The following SPTBN4 variants were observed in gnomAD, a reference collection of about 807,000 sequenced individuals.
The protein encoded by SPTBN4 is spectrin beta, non-erythrocytic 4.
In SPTBN4, 96 loss-of-function variants were observed where a neutral mutation model predicts 277.8. That is an observed-to-expected ratio of 0.35 (90% CI 0.29 to 0.41). SPTBN4 has a LOEUF of 0.41. Among genes scored for constraint, SPTBN4 ranks in the 10% least tolerant of loss-of-function variants. SPTBN4 has a pLI of 1.00. For missense variants in SPTBN4, 3,006 were observed against 3,595.7 expected, an observed-to-expected ratio of 0.84 and a Z score of 4.19; for synonymous variants, 1,481 against 1,580.3, an observed-to-expected ratio of 0.94 and a Z score of 1.49.
At chr19:40,480,622 T>C (rs994060679) in intron 2 of SPTBN4, among the ~76,000 whole-genome samples, 1 of 152,208 alleles carries the variant, frequency 6.6e-6, no homozygotes, top group Non-Finnish European at 1.5e-5. Flanking sequence ...ATTATGCTTG[T>C]GGGAGATTCA....
chr19:40,522,385 C>T (rs913638267), intron 16 of SPTBN4, among the ~76,000 whole-genome samples: 3 of 134,620 alleles, frequency 2.2e-5, no homozygotes, highest in Non-Finnish European at 4.6e-5. Context: ...GGGTCTTGCT[C>T]TGTCACCCAG....
At chr19:40,550,797 G>A (rs1232044849) in intron 22 of SPTBN4, among the ~76,000 whole-genome samples, 1 of 152,148 alleles carries the variant, frequency 6.6e-6, no homozygotes, top group Non-Finnish European at 1.5e-5. Flanking sequence ...GAGATTACAG[G>A]TGTGAGCCAC....
At chr19:40,571,562 CAAGGTAGGAATAA>C (rs1415519458) in intron 33 of SPTBN4, 1 of 154,182 alleles carries the variant, frequency 6.5e-6, no homozygotes, top group Non-Finnish European at 1.4e-5. Flanking sequence ...TACCTAATGC[CAAGGTAGGAATAA>C]ACAAGGGCAC....
chr19:40,502,979 G>A lies in SPTBN4; in HGVS notation c.1362+46G>A, dbSNP rs754722828. The stretch of plus-strand genomic sequence containing the variant: ...CTCCAGGGTAAAGGGACGGAGGGCG[G>A]GGCTGATGGTCCTGGGACCAGAGAG... On this transcript the variant is annotated intron_variant, in intron 11 of 35. Transcript: ENST00000598249. The surrounding 1 kb of genome is among the most constrained non-coding windows in gnomAD (Gnocchi z 4.9). The A allele has an allele frequency of 3.8e-6, 6 of 1,594,662 alleles. No homozygotes were observed. The South Asian group carries it at 4.5e-5, about 12-fold the overall frequency.
intron 1 of SPTBN4, among the ~76,000 whole-genome samples, chr19:40,467,631 G>C (rs1377621613): frequency 1.3e-5 from 2 of 151,892 alleles, no homozygotes; most frequent in Admixed American, 6.6e-5. Flanking sequence ...TGCGGGGGGG[G>C]GGGGGTGTTG....
At chr19:40,489,450 A>G (rs1456645782) in intron 3 of SPTBN4, among the ~76,000 whole-genome samples, 1 of 151,828 alleles carries the variant, frequency 6.6e-6, no homozygotes, top group Non-Finnish European at 1.5e-5. Flanking sequence ...CAGTGGCGCG[A>G]TCTCGGCTCA....
At position 40,554,350 on chromosome 19, in the gene SPTBN4, C is replaced by T. The variant is rs765898964; in HGVS notation, c.4878C>T (p.Tyr1626=). 9.5e-6 allele frequency: 15 copies of T among 1,578,184 alleles called. No homozygotes were observed. Among genetic ancestry groups the T allele is most frequent in the South Asian group, 6.9e-5 (6 of 87,160 alleles). Residue 1626 remains tyrosine (Y), a synonymous_variant, in exon 23 of 36, where the codon TAC becomes TAT. Transcript: ENST00000598249. The surrounding 1 kb of genome is among the most constrained non-coding windows in gnomAD (Gnocchi z 5.7). ...VLDAAFQVEQ[Y]YFDVAEVEAW... Reference sequence around the variant, plus strand: ...ACGCCGCCTTCCAGGTGGAGCAGTACTACTTCGACGTGGCTGAGGTGGAGG... The same window carrying T: ...ACGCCGCCTTCCAGGTGGAGCAGTATTACTTCGACGTGGCTGAGGTGGAGG...
intron 30 of SPTBN4, among the ~76,000 whole-genome samples, chr19:40,566,595 G>A (rs1034585826): frequency 1.3e-5 from 2 of 152,042 alleles, no homozygotes; most frequent in African/African-American, 4.8e-5. Flanking sequence ...TGCCTGGGAT[G>A]GGGGAGTGGG....
Position 40,567,652 on chromosome 19 carries a change from T to C in SPTBN4, c.6337-11T>C. On this transcript the variant is annotated splice_polypyrimidine_tract_variant and intron_variant, in intron 30 of 35. Transcript: ENST00000598249. ...ACGCCTCCAACCTAACCCTGGTCCC[T>C]CCATCCTCAGATCGAGAAAATCAAA... 7.9e-7 allele frequency: 1 copy of C among 1,269,802 alleles called. No individual in the cohort carries two copies. The highest frequency in any genetic ancestry group is 1.4e-5 in the South Asian group (1 of 73,864). 78.7% of individuals were successfully genotyped at this position (1,269,802 alleles called of 1,614,324 possible).
chr19:40,519,453 G>C lies in SPTBN4; in HGVS notation c.2956G>C (p.Val986Leu). The change falls in exon 16 of 36, where the codon GTG (valine) becomes CTG (leucine). Residue 986 changes from valine to leucine, a missense_variant. Transcript: ENST00000598249. The surrounding 1 kb of genome is among the most constrained non-coding windows in gnomAD (Gnocchi z 5.7). ...ACAGCGCAAAGAGGAAATGAGCGCG[G>C]TGCTGCTGGTGGAGAACCACGTGCT... ...VEQRKEEMSA[V>L]LLVENHVLEV... 1 of 1,605,986 alleles carries C rather than the reference G, an allele frequency of 6.2e-7. No individual in the cohort carries two copies. The highest frequency in any genetic ancestry group is 8.5e-7 in the Non-Finnish European group (1 of 1,177,430).
At position 40,570,595 on chromosome 19, in the gene SPTBN4, C is replaced by CGGCGCT. The variant is rs1031613100; in HGVS notation, c.7187_7192dup (p.Arg2397_Ser2398insTrpArg). On this transcript the variant is annotated inframe_insertion, in exon 33 of 36. Transcript: ENST00000598249. ...AGAGGGTGGTGAGGGCGGGGGAAGC[C>CGGCGCT]GGCGCTCGCGCTCCGCCCCGGCCCA... 1 of 1,378,718 alleles carries CGGCGCT rather than the reference C, an allele frequency of 7.3e-7. No individual in the cohort carries two copies. The highest frequency in any genetic ancestry group is 1.5e-5 in the African/African-American group (1 of 65,490). 85.4% of individuals were successfully genotyped at this position (1,378,718 alleles called of 1,614,324 possible).
chr19:40,525,807 TCA>T (rs2080584125), intron 17 of SPTBN4, among the ~76,000 whole-genome samples: 2 of 152,074 alleles, frequency 1.3e-5, no homozygotes, highest in African/African-American at 2.4e-5. Flanking sequence ...GGCAGAAAGG[TCA>T]GGGCCCGGAT....
intron 14 of SPTBN4, 39 bp downstream of exon 14, chr19:40,513,593 C>T: frequency 6.7e-7 from 1 of 1,484,952 alleles, no homozygotes; most frequent in Non-Finnish European, 8.9e-7. Context: ...TCCCCTTCCT[C>T]ATGCACCCAG....
At position 40,504,060 on chromosome 19, in the gene SPTBN4, T is replaced by G; in HGVS notation, c.1593T>G (p.Leu531=). The G allele has an allele frequency of 6.2e-7, 1 of 1,610,502 alleles. No individual in the cohort carries two copies. Among genetic ancestry groups the G allele is most frequent in the Non-Finnish European group, 8.5e-7 (1 of 1,178,734 alleles). ...TGLVGARRTR[L]EQNLALQKVF... The stretch of plus-strand genomic sequence containing the variant: ...TTGTGGGTGCCCGGCGGACACGACT[T>G]GAGCAGAACCTTGCCCTGCAGAAGG... The change falls in exon 12 of 36, where the codon CTT becomes CTG. Residue 531 remains leucine, a synonymous_variant. Transcript: ENST00000598249.
intron 22 of SPTBN4, 148 bp downstream of exon 22, chr19:40,550,475 T>C (rs2080905988): frequency 4.6e-6 from 3 of 657,000 alleles, no homozygotes; most frequent in Middle Eastern, 2.9e-4. Context: ...ATCCAGGTGC[T>C]TCCATATATT....
intron 13 of SPTBN4, among the ~76,000 whole-genome samples, 175 bp from the exon 14 acceptor site, chr19:40,512,431 G>A (rs1368152599): frequency 2.0e-5 from 3 of 152,212 alleles, no homozygotes; most frequent in Non-Finnish European, 4.4e-5. Flanking sequence ...TGAGAGGGTC[G>A]AGGAGGAGCC....
chr19:40,472,691 C>CGCTGGGAGAGTCCGGATCGGG lies in SPTBN4; in HGVS notation c.79_99dup (p.Ser27_Glu33dup), dbSNP rs2079899135. 1 of 1,613,688 alleles carries CGCTGGGAGAGTCCGGATCGGG rather than the reference C, an allele frequency of 6.2e-7. No individual in the cohort carries two copies. Among genetic ancestry groups the CGCTGGGAGAGTCCGGATCGGG allele is most frequent in the Non-Finnish European group, 8.5e-7 (1 of 1,179,888 alleles). On this transcript the variant is annotated inframe_insertion, in exon 2 of 36. Coordinates refer to ENST00000598249, the MANE Select transcript of SPTBN4 (RefSeq NM_020971.3). ...TGCTCCTAACAACAACCCTGCTGCC[C>CGCTGGGAGAGTCCGGATCGGG]GCTGGGAGAGTCCGGATCGGGGCTG...
chr19:40,517,339 G>T (rs988617399), intron 15 of SPTBN4, among the ~76,000 whole-genome samples: 3 of 151,578 alleles, frequency 2.0e-5, no homozygotes, highest in African/African-American at 7.3e-5. Flanking sequence ...GCCCAGACTG[G>T]AGTGCAGTGG....
intron 20 of SPTBN4, among the ~76,000 whole-genome samples, chr19:40,536,465 T>C (rs79833249): frequency 6.6e-6 from 1 of 152,088 alleles, no homozygotes; most frequent in Admixed American, 6.5e-5. Flanking sequence ...TCACCCGCCT[T>C]GGCCTCCCAA....
Sources: gnomAD v4.1 joint callset for allele counts (sites outside exome capture counted in the v4.1 genomes callset) on GRCh38, gnomAD v4.1.1 for gene constraint, Gnocchi (gnomAD v3.1) non-coding constraint, MANE v1.5 for transcripts, NCBI Gene and HGNC (gene_info 2026-07-23, HGNC 2026-07-21) for gene names.